Variants in NEGR1 observed in about 807,000 individuals in gnomAD.
NEGR1 encodes IgLON family member 4.
Under a neutral mutation model 40.9 loss-of-function variants are expected in NEGR1, and 10 were observed. The observed-to-expected ratio is 0.24, with a 90% CI of 0.15 to 0.42. The LOEUF (loss-of-function observed/expected upper bound fraction) is 0.42, where lower values mean the gene tolerates loss of function less well. NEGR1 is among the 10% of genes least tolerant of loss of function. The probability of loss-of-function intolerance (pLI) is 1.00; values close to 1 mark genes in which losing one functional copy is unlikely to be tolerated. For missense variants in NEGR1, 352 were observed against 438.9 expected (o/e 0.80, Z 1.77); for synonymous variants, 185 against 166.8 (o/e 1.11, Z -0.84).
intron 6 of NEGR1, among the ~76,000 whole-genome samples, chr1:71,561,922 C>T (rs920451317): frequency 1.8e-5 from 2 of 108,304 alleles, no homozygotes; most frequent in African/African-American, 6.4e-5. Flanking sequence ...TGCCTTTTTG[C>T]TAGAGCTTTT....
intron 1 of NEGR1, among the ~76,000 whole-genome samples, chr1:71,991,128 T>C (rs1305493019): frequency 1.3e-5 from 2 of 152,078 alleles, no homozygotes; most frequent in African/African-American, 4.8e-5. Context: ...AAAAACTTCT[T>C]TGCTCAGGTG....
At chr1:71,470,405 G>A (rs1268971780) in intron 6 of NEGR1, among the ~76,000 whole-genome samples, 1 of 152,028 alleles carries the variant, frequency 6.6e-6, no homozygotes, top group Non-Finnish European at 1.5e-5. Flanking sequence ...ATTAGGCTAG[G>A]ACATTCCTAA....
At chr1:72,083,872 T>G (rs1648103818) in intron 1 of NEGR1, among the ~76,000 whole-genome samples, 1 of 151,594 alleles carries the variant, frequency 6.6e-6, no homozygotes, top group African/African-American at 2.4e-5. Context: ...TCTGTAAGAC[T>G]TTGTGAATCT....
chr1:71,639,049 T>C (rs1486792965), intron 4 of NEGR1, among the ~76,000 whole-genome samples: 1 of 151,974 alleles, frequency 6.6e-6, no homozygotes, highest in African/African-American at 2.4e-5. Flanking sequence ...CAAATTCATA[T>C]ACTCACATGA....
intron 1 of NEGR1, among the ~76,000 whole-genome samples, chr1:72,179,858 T>C (rs1333743030): frequency 2.0e-5 from 3 of 151,918 alleles, no homozygotes; most frequent in Non-Finnish European, 4.4e-5. Flanking sequence ...CTGAAAACTA[T>C]AAAACATTGA....
chr1:72,137,265 T>A (rs576452202), intron 1 of NEGR1, among the ~76,000 whole-genome samples: 58 of 152,288 alleles, frequency 3.8e-4, no homozygotes, highest in African/African-American at 1.3e-3. Context: ...CAAAGGATTA[T>A]AAATCATTCC....
rs532027535 is a variant in NEGR1 at position 71,923,921 on chromosome 1, T to C, written c.409+11158A>G. On this transcript the variant is annotated intron_variant, in intron 2 of 6. Transcript: ENST00000357731. Reference sequence around the variant, plus strand: ...ATAGGCACTTTCTTTTTTTTTTTCTTTTTTTGTGGCAGGGTCTCGTTCTGT... The same window carrying C: ...ATAGGCACTTTCTTTTTTTTTTTCTCTTTTTGTGGCAGGGTCTCGTTCTGT... Among the ~76,000 whole-genome samples the C allele has an allele frequency of 5.9e-5, 9 of 152,194 alleles. No individual in the cohort carries two copies. The South Asian group carries it at 1.5e-3, about 25-fold the overall frequency.
chr1:71,921,030 A>G (rs1022244930), intron 2 of NEGR1, among the ~76,000 whole-genome samples: 1 of 152,212 alleles, frequency 6.6e-6, no homozygotes, highest in African/African-American at 2.4e-5. Flanking sequence ...AGGCTCACAT[A>G]AATGCCAGCA....
chr1:72,239,906 T>C (rs1570162497), intron 1 of NEGR1, among the ~76,000 whole-genome samples: 1 of 151,812 alleles, frequency 6.6e-6, no homozygotes, highest in African/African-American at 2.4e-5. Context: ...AAATATTCTA[T>C]GAAATGGTAC....
chr1:71,923,897 T>C (rs1244679356), intron 2 of NEGR1, among the ~76,000 whole-genome samples: 4 of 151,582 alleles, frequency 2.6e-5, no homozygotes, highest in African/African-American at 7.3e-5. Context: ...GCAAAGTTAA[T>C]AGGCACTTTC....
At chr1:72,187,787 G>A (rs1228084830) in intron 1 of NEGR1, among the ~76,000 whole-genome samples, 4 of 151,244 alleles carry the variant, frequency 2.6e-5, no homozygotes, top group Admixed American at 2.0e-4. Context: ...CCACAACCCC[G>A]TTAGGTTAGG....
chr1:72,010,435 T>G (rs935327473), intron 1 of NEGR1, among the ~76,000 whole-genome samples: 3 of 152,154 alleles, frequency 2.0e-5, no homozygotes, highest in African/African-American at 7.2e-5. Flanking sequence ...TTTTTCTAAT[T>G]AGTACAAAGT....
In NEGR1 at chr1:72,094,607, A is replaced by T. The variant is rs955755137; in HGVS notation, c.177-159296T>A. ...TGATTTGGGGTATAAAGATCATCCC[A>T]ATCAAGTCCCTTCTCTTTACTCCCT... On this transcript the variant is annotated intron_variant, in intron 1 of 6. Transcript: ENST00000357731. 9.9e-5 allele frequency among the ~76,000 whole-genome samples: 15 copies of T among 152,158 alleles called. 1 individual carries two copies.
At chr1:72,191,620 C>A (rs1652823218) in intron 1 of NEGR1, among the ~76,000 whole-genome samples, 1 of 151,920 alleles carries the variant, frequency 6.6e-6, no homozygotes, top group South Asian at 2.1e-4. Flanking sequence ...TTAATTCATT[C>A]TAGAATCCCT....
chr1:71,545,856 T>G (rs1199293852), intron 6 of NEGR1, among the ~76,000 whole-genome samples: 1 of 151,662 alleles, frequency 6.6e-6, no homozygotes, highest in African/African-American at 2.4e-5. Context: ...ATTTCTATAT[T>G]TTGGATCCTA....
chr1:71,812,518 T>C (rs1658039378), intron 2 of NEGR1, among the ~76,000 whole-genome samples: 1 of 152,182 alleles, frequency 6.6e-6, no homozygotes, highest in African/African-American at 2.4e-5. Context: ...CCACCAACAG[T>C]GTAAAAGCAT....
chr1:71,993,477 A>G (rs1646473962), intron 1 of NEGR1, among the ~76,000 whole-genome samples: 1 of 152,154 alleles, frequency 6.6e-6, no homozygotes, highest in African/African-American at 2.4e-5. Context: ...GACAAAATTT[A>G]CTCGTTAAAA....
chr1:71,887,927 A>C (rs1228951826), intron 2 of NEGR1, among the ~76,000 whole-genome samples: 1 of 151,004 alleles, frequency 6.6e-6, no homozygotes, highest in Non-Finnish European at 1.5e-5. Flanking sequence ...CATGTCTTTT[A>C]TTCCTACAAT....
chr1:71,783,170 C>T (rs760801168), intron 2 of NEGR1, among the ~76,000 whole-genome samples: 2 of 152,034 alleles, frequency 1.3e-5, no homozygotes, highest in African/African-American at 4.8e-5. Context: ...ACAAGCTAGA[C>T]GTAACTATAA....
Sources: gnomAD v4.1 joint callset for allele counts (sites outside exome capture counted in the v4.1 genomes callset) on GRCh38, gnomAD v4.1.1 for gene constraint, MANE v1.5 for transcripts, NCBI Gene and HGNC (gene_info 2026-07-23, HGNC 2026-07-21) for gene names.